MACROD2: variants seen among roughly 807,000 people sequenced by gnomAD.
The protein encoded by MACROD2 is ADP-ribose glycohydrolase MACROD2.
MACROD2 carries 36 observed loss-of-function variants against 70.4 expected under a neutral mutation model. The ratio of observed to expected loss-of-function variants is 0.51; its 90% CI spans 0.39 to 0.68. The LOEUF (loss-of-function observed/expected upper bound fraction) is 0.68. Among genes scored for constraint, MACROD2 ranks in the 30% least tolerant of loss-of-function variants. The pLI is 0.00. For synonymous variants in MACROD2, 172 were observed against 178.8 expected, an observed-to-expected ratio of 0.96 and a Z score of 0.30; for missense variants, 496 against 538.4, an observed-to-expected ratio of 0.92 and a Z score of 0.78.
intron 4 of MACROD2, among the ~76,000 whole-genome samples, chr20:14,657,252 G>A (rs975663116): frequency 2.0e-5 from 3 of 152,098 alleles, no homozygotes; most frequent in African/African-American, 4.8e-5. Context: ...GTTAGCATCC[G>A]CTTCTAAGCG....
intron 5 of MACROD2, among the ~76,000 whole-genome samples, chr20:15,113,878 G>T (rs1299203348): frequency 1.3e-5 from 2 of 151,824 alleles, no homozygotes; most frequent in South Asian, 2.1e-4. Flanking sequence ...AAGGGGGAAA[G>T]CTCCAAATTA....
intron 5 of MACROD2, among the ~76,000 whole-genome samples, chr20:15,221,299 C>G (rs1195248451): frequency 6.6e-6 from 1 of 152,148 alleles, no homozygotes; most frequent in East Asian, 1.9e-4. Flanking sequence ...TCCTCTCACC[C>G]CTGCTATTGA....
At chr20:14,997,960 C>G (rs1177601101) in intron 5 of MACROD2, among the ~76,000 whole-genome samples, 1 of 152,170 alleles carries the variant, frequency 6.6e-6, no homozygotes, top group East Asian at 1.9e-4. Flanking sequence ...TGCTGGTAAT[C>G]TAGGGAATTC....
At chr20:14,975,505 G>A (rs933105526) in intron 5 of MACROD2, among the ~76,000 whole-genome samples, 7 of 152,086 alleles carry the variant, frequency 4.6e-5, no homozygotes, top group African/African-American at 1.7e-4. Context: ...TTCGACAGGT[G>A]GGTTTAAGAT....
chr20:14,559,894 CTG>C (rs138007774), intron 4 of MACROD2, among the ~76,000 whole-genome samples: 1,535 of 151,926 alleles, frequency 0.01, 26 homozygotes, highest in African/African-American at 0.036. Context: ...TTTCTCTTCT[CTG>C]TCTCTCCGGT....
intron 5 of MACROD2, among the ~76,000 whole-genome samples, chr20:14,729,900 A>C (rs962053699): frequency 1.3e-5 from 2 of 152,316 alleles, no homozygotes; most frequent in East Asian, 3.9e-4. Context: ...AAGTATTTGC[A>C]TTACATTTAT....
intron 5 of MACROD2, among the ~76,000 whole-genome samples, chr20:14,797,432 C>G (rs184520177): frequency 6.6e-6 from 1 of 152,150 alleles, no homozygotes; most frequent in East Asian, 1.9e-4. Context: ...CCCACTCTCT[C>G]TCTCCATTAC....
intron 4 of MACROD2, among the ~76,000 whole-genome samples, chr20:14,510,765 A>G (rs1476499835): frequency 6.6e-6 from 1 of 152,090 alleles, no homozygotes; most frequent in Admixed American, 6.6e-5. Flanking sequence ...TCCCATGCAT[A>G]GGGTTTTCTT....
At chr20:15,553,708 C>T (rs1210051188) in intron 8 of MACROD2, among the ~76,000 whole-genome samples, 2 of 152,202 alleles carry the variant, frequency 1.3e-5, no homozygotes, top group Non-Finnish European at 2.9e-5. Flanking sequence ...GCATGCTGGG[C>T]ACATTGTGGA....
At chr20:14,613,512 G>A (rs1314994325) in intron 4 of MACROD2, among the ~76,000 whole-genome samples, 1 of 151,996 alleles carries the variant, frequency 6.6e-6, no homozygotes, top group Non-Finnish European at 1.5e-5. Flanking sequence ...GAAGGGTAAG[G>A]ATCCAATTAT....
In MACROD2 at chr20:14,394,818, TG is replaced by T. The variant is rs535017056; in HGVS notation, c.272-98660del. ...TTAATCAGGTATTGATGTTGGATTT[TG>T]TCAAATGCTTTTATGCATCTATTGA... On this transcript the variant is annotated intron_variant, in intron 3 of 17. Coordinates refer to ENST00000684519, the MANE Select transcript of MACROD2 (RefSeq NM_001351661.2). Among the ~76,000 whole-genome samples, 31 of 152,362 alleles carry T rather than the reference TG, an allele frequency of 2.0e-4. No individual in the cohort carries two copies. The East Asian group carries it at 5.4e-3, about 27-fold the overall frequency.
At chr20:15,610,479 G>A (rs1332787162) in intron 8 of MACROD2, among the ~76,000 whole-genome samples, 2 of 152,074 alleles carry the variant, frequency 1.3e-5, no homozygotes, top group East Asian at 3.9e-4. Context: ...ACTTCACATG[G>A]CCCTCTCCTC....
chr20:15,071,720 G>C (rs2075620636), intron 5 of MACROD2, among the ~76,000 whole-genome samples: 1 of 152,136 alleles, frequency 6.6e-6, no homozygotes. Context: ...GAACAGTGCT[G>C]TAAATTAAAA....
chr20:15,400,381 T>C (rs1205467807), intron 6 of MACROD2, among the ~76,000 whole-genome samples: 1 of 152,156 alleles, frequency 6.6e-6, no homozygotes, highest in Non-Finnish European at 1.5e-5. Context: ...CCCCATGACT[T>C]AGCTGCCTGA....
At chr20:14,458,347 T>C (rs545268417) in intron 3 of MACROD2, among the ~76,000 whole-genome samples, 1 of 152,242 alleles carries the variant, frequency 6.6e-6, no homozygotes, top group Admixed American at 6.5e-5. Flanking sequence ...CTTTAAAAAT[T>C]ATGGATCATT....
At chr20:15,170,055 A>C (rs17360556) in intron 5 of MACROD2, among the ~76,000 whole-genome samples, 1,706 of 152,358 alleles carry the variant, frequency 0.011, 12 homozygotes, top group South Asian at 0.017. Flanking sequence ...CTTACAAGCC[A>C]GATGGTAATC....
chr20:14,954,708 A>ATAAATATG (rs1296321103), intron 5 of MACROD2, among the ~76,000 whole-genome samples: 2 of 27,388 alleles, frequency 7.3e-5, no homozygotes, highest in Non-Finnish European at 1.0e-4. Context: ...TAAATAAATT[A>ATAAATATG]TAAATATATA....
Position 15,649,580 on chromosome 20 carries a change from TACTTGGGGCC to T in MACROD2, c.645+149738_645+149747del, listed in dbSNP as rs1031288711. Among the ~76,000 whole-genome samples the T allele has an allele frequency of 2.7e-4, 41 of 152,172 alleles. 1 individual carries two copies. Among genetic ancestry groups the T allele is most frequent in the Admixed American group, 3.3e-4 (5 of 15,276 alleles). On this transcript the variant is annotated intron_variant, in intron 8 of 17. Transcript: ENST00000684519. The stretch of plus-strand genomic sequence containing the variant: ...CCATTGAAAGTCCTAAGCTTTGCCT[TACTTGGGGCC>T]ACTTCTGAGTGACTCACAGAAGTCA...
At chr20:15,784,604 C>T (rs570872383) in intron 8 of MACROD2, among the ~76,000 whole-genome samples, 35 of 152,220 alleles carry the variant, frequency 2.3e-4, no homozygotes, top group Middle Eastern at 6.8e-3. Context: ...TCATCTTCTT[C>T]TGACAACTTG....
Sources: allele counts gnomAD v4.1 joint callset (sites outside exome capture counted in the v4.1 genomes callset), GRCh38; gene constraint gnomAD v4.1.1; transcripts MANE v1.5; gene names NCBI Gene and HGNC (gene_info 2026-07-23, HGNC 2026-07-21).